Variants in HOXB13 observed in about 807,000 individuals in gnomAD.
HOXB13 encodes the protein homeobox protein Hox-B13.
Under a neutral mutation model 23.1 loss-of-function variants are expected in HOXB13, and 22 were observed. That is an observed-to-expected ratio of 0.95 (90% CI 0.68 to 1.36). The LOEUF is 1.36. Among genes scored for constraint, HOXB13 ranks in the 40% most tolerant of loss-of-function variants. The pLI, the probability that HOXB13 is intolerant of heterozygous loss-of-function variation, is 0.00. For synonymous variants in HOXB13, 173 were observed against 157.9 expected (o/e 1.10, Z -0.72); for missense variants, 386 against 376.2 (o/e 1.03, Z -0.22).
In HOXB13 at chr17:48,728,740, TGAC is replaced by T; in HGVS notation, c.-150_-148del. 2 of 738,028 alleles carry T rather than the reference TGAC, an allele frequency of 2.7e-6. No homozygotes were observed. The highest frequency in any genetic ancestry group is 3.7e-5 in the South Asian group (2 of 53,612). 45.7% of individuals were successfully genotyped at this position (738,028 alleles called of 1,614,324 possible). ...CTGCATTCGCTCAGCACGGCCGTCT[TGAC>T]GCAAGAGACGCAGGGGCCCGGGCAC... On this transcript the variant is annotated 5_prime_UTR_variant, in exon 1 of 2. Transcript: ENST00000290295.
chr17:48,728,412 T>A lies in HOXB13; in HGVS notation c.182A>T (p.Lys61Met), dbSNP rs568967699. ...CACCCCAGGGCATGGGTGGCATTGC[T>A]TTGGCGGCTCCGCCGAGCCTGGCAG... ...LDLPGSAEPP[K>M]QCHPCPGVPQ... is the part of the protein sequence containing the mutation. The change falls in exon 1 of 2, where the codon AAG (lysine) becomes ATG (methionine). Residue 61 changes from lysine (K) to methionine (M), a missense_variant. By Grantham distance (95) the Lys-to-Met change is moderately conservative. Coordinates refer to ENST00000290295, the MANE Select transcript of HOXB13 (RefSeq NM_006361.6). 3 of 1,613,608 alleles carry A rather than the reference T, an allele frequency of 1.9e-6. No homozygotes were observed. The East Asian group carries it at 6.7e-5, about 36-fold the overall frequency.
At position 48,726,635 on chromosome 17, in the gene HOXB13, C is replaced by T. The variant is rs765923303; in HGVS notation, c.*155G>A. 3 of 938,880 alleles carry T rather than the reference C, an allele frequency of 3.2e-6. No homozygotes were observed. Among genetic ancestry groups the T allele is most frequent in the Admixed American group, 2.9e-5 (1 of 34,610 alleles). 58.2% of individuals were successfully genotyped at this position (938,880 alleles called of 1,614,324 possible). A position where few individuals can be genotyped will look rare whatever the true frequency, so the allele number is the denominator to read the frequency against. On this transcript the variant is annotated 3_prime_UTR_variant, in exon 2 of 2. Coordinates refer to ENST00000290295, the MANE Select transcript of HOXB13 (RefSeq NM_006361.6). ...CTGCACATACTGGGTACCCAGGCCGCTCCTGAGGAACAGTCCAGCAGCCAG... is the reference window on the plus strand; with the variant it reads ...CTGCACATACTGGGTACCCAGGCCGTTCCTGAGGAACAGTCCAGCAGCCAG...
rs949429594 is a variant in HOXB13, at chr17:48,726,598, G to C, written c.*192C>G. On this transcript the variant is annotated 3_prime_UTR_variant, in exon 2 of 2. Transcript: ENST00000290295. ...CCTGGTGGAGTGGGCTGTCACATGG[G>C]GTTCCGTCTCCCTGCACATACTGGG... 13 of 636,208 alleles carry C rather than the reference G, an allele frequency of 2.0e-5. No homozygotes were observed. Among genetic ancestry groups the C allele is most frequent in the Non-Finnish European group, 3.2e-5 (12 of 373,116 alleles). 39.4% of individuals were successfully genotyped at this position (636,208 alleles called of 1,614,324 possible). A position where few individuals can be genotyped will look rare whatever the true frequency, so the allele number is the denominator to read the frequency against.
intron 1 of HOXB13, 55 bp from the exon 2 acceptor site, chr17:48,727,098 A>T: frequency 6.3e-7 from 1 of 1,584,422 alleles, no homozygotes; most frequent in Non-Finnish European, 8.5e-7. Flanking sequence ...CCACCCATGC[A>T]GACCCAGGCC....
At chr17:48,727,443 G>C (rs953253356) in intron 1 of HOXB13, among the ~76,000 whole-genome samples, 2 of 137,462 alleles carry the variant, frequency 1.5e-5, no homozygotes, top group South Asian at 4.3e-4. Context: ...CAATACATGC[G>C]CATACACACA....
In HOXB13 at chr17:48,726,790, T is replaced by C. The variant is rs2143064986; in HGVS notation, c.855A>G (p.Ter285=). 2 of 1,614,036 alleles carry C rather than the reference T, an allele frequency of 1.2e-6. No homozygotes were observed. The highest frequency in any genetic ancestry group is 1.7e-6 in the Non-Finnish European group (2 of 1,179,990). Residue 285 remains the stop codon, a stop_retained_variant, in exon 2 of 2, where the codon TAA becomes TAG. Coordinates refer to ENST00000290295, the MANE Select transcript of HOXB13 (RefSeq NM_006361.6). ...CCTCCCACCCAGGCAAGGAGATCTC[T>C]TAAGGGGTAGCGCTGTTCTTCACCT... is the stretch of plus-strand genomic sequence containing the variant. ...LAKVKNSATP[*]
intron 1 of HOXB13, 126 bp from the exon 2 acceptor site, chr17:48,727,169 G>T: frequency 8.6e-7 from 1 of 1,162,210 alleles, no homozygotes; most frequent in Non-Finnish European, 1.2e-6. Context: ...AGGCGCACGT[G>T]CAATCCTGTT....
rs2038192414 is a variant in HOXB13, at chr17:48,725,046, G to C, written c.*1744C>G. On this transcript the variant is annotated 3_prime_UTR_variant, in exon 2 of 2. Transcript: ENST00000290295. Reference sequence around the variant, plus strand: ...CTCTCGCCAGTTCCGAAGTCGGCGAGGGAGGGGGTTTACTTGCCCGATCGT... The same window carrying C: ...CTCTCGCCAGTTCCGAAGTCGGCGACGGAGGGGGTTTACTTGCCCGATCGT... 5.6e-6 allele frequency: 1 copy of C among 178,688 alleles called. No individual in the cohort carries two copies. The highest frequency in any genetic ancestry group is 6.2e-5 in the Admixed American group (1 of 16,004). The allele number at this position is 178,688 out of a possible 1,614,324, so 11.1% of individuals were successfully genotyped here.
Position 48,728,622 on chromosome 17 carries a change from G to T in HOXB13, c.-29C>A. On this transcript the variant is annotated 5_prime_UTR_variant, in exon 1 of 2. Transcript: ENST00000290295. ...GCCGAGGGTCGGCTCATGAGGTGCG[G>T]GGGCGGGGAATCTAGGGGGCACCCA... The T allele has an allele frequency of 6.2e-7, 1 of 1,609,480 alleles. No homozygotes were observed. The highest frequency in any genetic ancestry group is 1.1e-5 in the South Asian group (1 of 90,724).
At position 48,728,629 on chromosome 17, in the gene HOXB13, G is replaced by A. The variant is rs1165325120; in HGVS notation, c.-36C>T. 2 of 1,605,442 alleles carry A rather than the reference G, an allele frequency of 1.2e-6. No homozygotes were observed. Among genetic ancestry groups the A allele is most frequent in the East Asian group, 2.2e-5 (1 of 44,814 alleles). On this transcript the variant is annotated 5_prime_UTR_variant, in exon 1 of 2. Coordinates refer to ENST00000290295, the MANE Select transcript of HOXB13 (RefSeq NM_006361.6). ...GTCGGCTCATGAGGTGCGGGGGCGG[G>A]GAATCTAGGGGGCACCCAGCTCGCT...
rs144967504 is a variant in HOXB13 at position 48,726,736 on chromosome 17, G to A, written c.*54C>T. 3.8e-6 allele frequency: 6 copies of A among 1,594,282 alleles called. No homozygotes were observed. The highest frequency in any genetic ancestry group is 5.1e-6 in the Non-Finnish European group (6 of 1,169,026). Reference sequence around the variant, plus strand: ...CCCAGCCTGGGCTTGGCAGGTTCCTGGTCTCCCCAGGACACCCCCACTTTC... The same window carrying A: ...CCCAGCCTGGGCTTGGCAGGTTCCTAGTCTCCCCAGGACACCCCCACTTTC... On this transcript the variant is annotated 3_prime_UTR_variant, in exon 2 of 2. Coordinates refer to ENST00000290295, the MANE Select transcript of HOXB13 (RefSeq NM_006361.6).
At position 48,726,559 on chromosome 17, in the gene HOXB13, G is replaced by A. The variant is rs1196707417; in HGVS notation, c.*231C>T. ...AGGATGAATGATTATGACTGGGCCA[G>A]GTTCTTTGGGAACCCTGGTGGAGTG... is the stretch of plus-strand genomic sequence containing the variant. On this transcript the variant is annotated 3_prime_UTR_variant, in exon 2 of 2. Transcript: ENST00000290295. 1.7e-6 allele frequency: 1 copy of A among 573,242 alleles called. No individual in the cohort carries two copies. The highest frequency in any genetic ancestry group is 1.9e-5 in the African/African-American group (1 of 53,598). 35.5% of individuals were successfully genotyped at this position (573,242 alleles called of 1,614,324 possible). A position where few individuals can be genotyped will look rare whatever the true frequency, so the allele number is the denominator to read the frequency against.
In HOXB13 at chr17:48,727,052, C is replaced by T. The variant is rs148901331; in HGVS notation, c.602-9G>A. The T allele has an allele frequency of 3.7e-4, 596 of 1,603,214 alleles. 1 individual carries two copies. Among genetic ancestry groups the T allele is most frequent in the Middle Eastern group, 6.6e-4 (4 of 6,056 alleles). On this transcript the variant is annotated splice_polypyrimidine_tract_variant and intron_variant, in intron 1 of 1. Coordinates refer to ENST00000290295, the MANE Select transcript of HOXB13 (RefSeq NM_006361.6). Reference sequence around the variant, plus strand: ...GTGCTGCCCGCTGGAGTCTGCGCGGCGTGAAAGGGAGGGAGGAAAAGGCAT... The same window carrying T: ...GTGCTGCCCGCTGGAGTCTGCGCGGTGTGAAAGGGAGGGAGGAAAAGGCAT...
rs1397751546 is a variant in HOXB13, at chr17:48,726,115, A to G, written c.*675T>C. On this transcript the variant is annotated 3_prime_UTR_variant, in exon 2 of 2. Coordinates refer to ENST00000290295, the MANE Select transcript of HOXB13 (RefSeq NM_006361.6). ...TTTTCTCTGGAAGGAAGGACTGACT[A>G]GGGGCAGCCTGCTGGCTTCATTTTC... 6.6e-6 allele frequency: 1 copy of G among 152,304 alleles called. No individual in the cohort carries two copies. Among genetic ancestry groups the G allele is most frequent in the African/African-American group, 2.4e-5 (1 of 41,462 alleles). 9.4% of individuals were successfully genotyped at this position (152,304 alleles called of 1,614,324 possible).
At position 48,728,277 on chromosome 17, in the gene HOXB13, AGG is replaced by A; in HGVS notation, c.315_316del (p.Leu106GlyfsTer20). 6.2e-7 allele frequency: 1 copy of A among 1,614,176 alleles called. No individual in the cohort carries two copies. Among genetic ancestry groups the A allele is most frequent in the East Asian group, 2.2e-5 (1 of 44,872 alleles). ...GGGAGTCTCCGCGGGGTACGCGGCC[AGG>A]GTGGCTGCCTGGGCACAGGGTTTCA... On this transcript the variant is annotated frameshift_variant, in exon 1 of 2. Coordinates refer to ENST00000290295, the MANE Select transcript of HOXB13 (RefSeq NM_006361.6). LOFTEE classifies it high-confidence loss of function.
In HOXB13 at chr17:48,726,907, C is replaced by T. The variant is rs1242916911; in HGVS notation, c.738G>A (p.Arg246=). The T allele has an allele frequency of 3.1e-6, 5 of 1,613,960 alleles. No homozygotes were observed. Among genetic ancestry groups the T allele is most frequent in the Admixed American group, 1.7e-5 (1 of 60,000 alleles). ...AANKFITKDK[R]RKISAATSLS... Reference sequence around the variant, plus strand: ...GGCTGGTGGCTGCCGAGATCTTGCGCCTCTTGTCCTTGGTGATGAACTTGT... The same window carrying T: ...GGCTGGTGGCTGCCGAGATCTTGCGTCTCTTGTCCTTGGTGATGAACTTGT... Residue 246 remains arginine (R), a synonymous_variant, in exon 2 of 2, where the codon AGG becomes AGA. Transcript: ENST00000290295.
intron 1 of HOXB13, 27 bp downstream of exon 1, chr17:48,727,966 C>A (rs1221140166): frequency 1.9e-6 from 3 of 1,599,478 alleles, no homozygotes; most frequent in South Asian, 1.1e-5. Context: ...GGCTCAGAGA[C>A]AAGGGGACCC....
rs1597933867 is a variant in HOXB13 at position 48,728,051 on chromosome 17, C to A, written c.543G>T (p.Gln181His). 2.5e-6 allele frequency: 4 copies of A among 1,614,196 alleles called. No individual in the cohort carries two copies. The highest frequency in any genetic ancestry group is 3.4e-6 in the Non-Finnish European group (4 of 1,179,996). The change falls in exon 1 of 2, where the codon CAG becomes CAT. Residue 181 changes from glutamine (Q) to histidine (H), a missense_variant. Gln to His is a conservative substitution (Grantham distance 24). Coordinates refer to ENST00000290295, the MANE Select transcript of HOXB13 (RefSeq NM_006361.6). The stretch of plus-strand genomic sequence containing the variant: ...GGTTCTGTTCTCCCTGGCAACACAT[C>A]TGGCTGTTCCAGCCACCAGCGAGAG... ...SWALAGGWNSQMCCQGEQNPP... is the reference protein window; with the variant it reads ...SWALAGGWNSHMCCQGEQNPP...
chr17:48,726,629 A>T lies in HOXB13; in HGVS notation c.*161T>A. 1 of 869,708 alleles carries T rather than the reference A, an allele frequency of 1.1e-6. No individual in the cohort carries two copies. The highest frequency in any genetic ancestry group is 1.8e-5 in the South Asian group (1 of 54,808). The allele number at this position is 869,708 out of a possible 1,614,324, so 53.9% of individuals were successfully genotyped here. A position where few individuals can be genotyped will look rare whatever the true frequency, so the allele number is the denominator to read the frequency against. On this transcript the variant is annotated 3_prime_UTR_variant, in exon 2 of 2. Coordinates refer to ENST00000290295, the MANE Select transcript of HOXB13 (RefSeq NM_006361.6). The stretch of plus-strand genomic sequence containing the variant: ...GTCTCCCTGCACATACTGGGTACCC[A>T]GGCCGCTCCTGAGGAACAGTCCAGC...
Sources: allele counts gnomAD v4.1 joint callset (sites outside exome capture counted in the v4.1 genomes callset), GRCh38; gene constraint gnomAD v4.1.1; transcripts MANE v1.5; gene names NCBI Gene and HGNC (gene_info 2026-07-23, HGNC 2026-07-21).